The following CRISPLD2 variants were observed in gnomAD, a reference collection of about 807,000 sequenced individuals.
The protein encoded by CRISPLD2 is cysteine rich secretory protein LCCL domain containing 2.
A neutral mutation model predicts 71.1 loss-of-function variants in CRISPLD2; 47 were observed. That is an observed-to-expected ratio of 0.66 (90% CI 0.52 to 0.84). The LOEUF (loss-of-function observed/expected upper bound fraction) is 0.84, where lower values mean the gene tolerates loss of function less well. CRISPLD2 is among the 40% of genes least tolerant of loss of function. CRISPLD2 has a pLI of 0.00. For synonymous variants in CRISPLD2, 317 were observed against 250.1 expected, an observed-to-expected ratio of 1.27 and a Z score of -2.52; for missense variants, 830 against 651.1, an observed-to-expected ratio of 1.27 and a Z score of -2.99.
chr16:84,820,110 G>A lies in CRISPLD2; in HGVS notation c.-98G>A, dbSNP rs1159130839. 6.6e-6 allele frequency: 1 copy of A among 152,346 alleles called. No homozygotes were observed. Among genetic ancestry groups the A allele is most frequent in the Non-Finnish European group, 1.5e-5 (1 of 68,102 alleles). 9.4% of individuals were successfully genotyped at this position (152,346 alleles called of 1,614,324 possible). A position where few individuals can be genotyped will look rare whatever the true frequency, so the allele number is the denominator to read the frequency against. ...TGCTGGACGCGGGAGACGCCAGCGA[G>A]CTGGTGATTGGAGCCCTGCGGAGGT... On this transcript the variant is annotated 5_prime_UTR_variant, in exon 1 of 15. Coordinates refer to ENST00000262424, the MANE Select transcript of CRISPLD2 (RefSeq NM_031476.4).
intron 14 of CRISPLD2, among the ~76,000 whole-genome samples, chr16:84,904,146 C>T (rs913949467): frequency 1.3e-5 from 2 of 152,158 alleles, no homozygotes; most frequent in Non-Finnish European, 1.5e-5. Flanking sequence ...GGCTCCCAGG[C>T]GTCCCTGGTG....
At chr16:84,870,091 G>A (rs559124143) in intron 8 of CRISPLD2, among the ~76,000 whole-genome samples, 10 of 152,244 alleles carry the variant, frequency 6.6e-5, no homozygotes, top group African/African-American at 2.4e-4. Flanking sequence ...TGGCACACCT[G>A]TTTTCTGTTC....
At chr16:84,855,936 A>G (rs532620604) in intron 6 of CRISPLD2, among the ~76,000 whole-genome samples, 2 of 152,236 alleles carry the variant, frequency 1.3e-5, no homozygotes, top group Non-Finnish European at 2.9e-5. Flanking sequence ...ACATGAAGAT[A>G]TTTTCTTAGT....
chr16:84,895,221 C>G (rs957534304), intron 14 of CRISPLD2, among the ~76,000 whole-genome samples: 89 of 152,168 alleles, frequency 5.8e-4, no homozygotes, highest in Non-Finnish European at 1.8e-4. Context: ...CCCAAGGTCA[C>G]CCAGCCTACC....
At chr16:84,831,231 T>C (rs1359007033) in intron 1 of CRISPLD2, among the ~76,000 whole-genome samples, 3 of 152,102 alleles carry the variant, frequency 2.0e-5, no homozygotes, top group Admixed American at 2.0e-4. Flanking sequence ...AATCACCAAA[T>C]ACATTTGCAT....
chr16:84,869,436 A>G (rs2071446602), intron 8 of CRISPLD2, among the ~76,000 whole-genome samples: 2 of 152,220 alleles, frequency 1.3e-5, no homozygotes, highest in African/African-American at 4.8e-5. Flanking sequence ...CGAGTTATTT[A>G]AAGCACATGT....
chr16:84,828,128 A>C (rs7204018), intron 1 of CRISPLD2: 1 of 152,070 alleles, frequency 6.6e-6, no homozygotes, highest in Non-Finnish European at 1.5e-5. Context: ...TTCCGCAGCC[A>C]GCTCTCGACT....
chr16:84,867,110 G>T, intron 7 of CRISPLD2, 70 bp downstream of exon 7: 1 of 1,531,700 alleles, frequency 6.5e-7, no homozygotes, highest in Non-Finnish European at 8.9e-7. Context: ...GTGGGTGGAG[G>T]AGGGGAGCTA....
chr16:84,879,765 C>G lies in CRISPLD2; in HGVS notation c.1230-744C>G, dbSNP rs117083016. ...TGTTTCAACTTCTCAGTCCCTTTGC[C>G]TGGCCTTCTTCCTTCCCATAATCCT... On this transcript the variant is annotated intron_variant, in intron 12 of 14. Transcript: ENST00000262424. Among the ~76,000 whole-genome samples the G allele has an allele frequency of 3.8e-3, 586 of 152,310 alleles. 3 individuals carry two copies. Among genetic ancestry groups the G allele is most frequent in the Non-Finnish European group, 6.5e-3 (442 of 68,026 alleles).
chr16:84,854,661 G>A, intron 5 of CRISPLD2, 68 bp from the exon 6 acceptor site: 1 of 1,174,802 alleles, frequency 8.5e-7, no homozygotes, highest in East Asian at 2.3e-5. Context: ...GTGGGCCTTG[G>A]AAGAGGATCA....
rs1339014750 is a variant in CRISPLD2, at chr16:84,908,360, C to G, written c.*1718C>G. 6.6e-6 allele frequency: 1 copy of G among 152,242 alleles called. No homozygotes were observed. The highest frequency in any genetic ancestry group is 2.4e-5 in the African/African-American group (1 of 41,432). 9.4% of individuals were successfully genotyped at this position (152,242 alleles called of 1,614,324 possible). A position where few individuals can be genotyped will look rare whatever the true frequency, so the allele number is the denominator to read the frequency against. On this transcript the variant is annotated 3_prime_UTR_variant, in exon 15 of 15. Coordinates refer to ENST00000262424, the MANE Select transcript of CRISPLD2 (RefSeq NM_031476.4). ...TGTCGGAGAGGAAGAATTCGGTCAG[C>G]CTGTCAGGTCGTGAGTCCAGTTACC...
intron 2 of CRISPLD2, chr16:84,839,744 C>T (rs924329679): frequency 6.6e-6 from 1 of 152,260 alleles, no homozygotes; most frequent in Non-Finnish European, 1.5e-5. Context: ...GGAGCCTCCA[C>T]CTTGGCCATC....
rs1174945327 is a variant in CRISPLD2, at chr16:84,883,559, C to A, written c.1305+2975C>A. On this transcript the variant is annotated intron_variant, in intron 13 of 14. Coordinates refer to ENST00000262424, the MANE Select transcript of CRISPLD2 (RefSeq NM_031476.4). ...CTTGTGCACATATCAGAATCCACCC[C>A]CGCGCCTGCCTGAGGGCTGGAACAG... Among the ~76,000 whole-genome samples, 3 of 152,196 alleles carry A rather than the reference C, an allele frequency of 2.0e-5. No individual in the cohort carries two copies. In the East Asian group the frequency reaches 5.8e-4, roughly 29 times the overall value.
intron 6 of CRISPLD2, among the ~76,000 whole-genome samples, chr16:84,858,624 A>G (rs374243424): frequency 3.9e-4 from 59 of 152,346 alleles, no homozygotes; most frequent in South Asian, 2.1e-3. Context: ...CTTCAGTGCA[A>G]TGGAGCAGTG....
intron 5 of CRISPLD2, among the ~76,000 whole-genome samples, chr16:84,852,930 G>T (rs1917129824): frequency 6.6e-6 from 1 of 152,164 alleles, no homozygotes; most frequent in African/African-American, 2.4e-5. Context: ...AGCTGGGTGT[G>T]GTGGTGCATG....
intron 6 of CRISPLD2, among the ~76,000 whole-genome samples, chr16:84,855,763 CAAT>C (rs879902955): frequency 1.3e-5 from 2 of 152,172 alleles, no homozygotes; most frequent in African/African-American, 4.8e-5. Context: ...CAAATAAAGA[CAAT>C]AATAAGATCA....
intron 1 of CRISPLD2, among the ~76,000 whole-genome samples, chr16:84,826,103 C>A (rs921457330): frequency 2.0e-5 from 3 of 152,214 alleles, no homozygotes; most frequent in African/African-American, 7.2e-5. Flanking sequence ...TCCTAGAAAG[C>A]TAAAGAAGGC....
chr16:84,837,552 G>T lies in CRISPLD2; in HGVS notation c.-74-870G>T, dbSNP rs769567806. Among the ~76,000 whole-genome samples, 9 of 152,002 alleles carry T rather than the reference G, an allele frequency of 5.9e-5. No individual in the cohort carries two copies. The South Asian group carries it at 1.9e-3, about 32-fold the overall frequency. ...CCGCCTCAGCCTCCCAAGTAGCTGG[G>T]ACTACAGGCGCGTGACACCACGCCC... is the stretch of plus-strand genomic sequence containing the variant. On this transcript the variant is annotated intron_variant, in intron 1 of 14. Transcript: ENST00000262424.
intron 2 of CRISPLD2, among the ~76,000 whole-genome samples, chr16:84,845,277 A>G (rs1034327909): frequency 2.0e-5 from 3 of 152,180 alleles, no homozygotes; most frequent in African/African-American, 7.2e-5. Flanking sequence ...GGTTGGGGTA[A>G]AGCCCGAGGC....
Sources: gnomAD v4.1 joint callset for allele counts (sites outside exome capture counted in the v4.1 genomes callset) on GRCh38, gnomAD v4.1.1 for gene constraint, MANE v1.5 for transcripts, NCBI Gene and HGNC (gene_info 2026-07-23, HGNC 2026-07-21) for gene names.